The following MACROD2 variants were observed in gnomAD, a reference collection of about 807,000 sequenced individuals.
MACROD2 encodes ADP-ribose glycohydrolase MACROD2.
MACROD2 carries 36 observed loss-of-function variants against 70.4 expected under a neutral mutation model. That is an observed-to-expected ratio of 0.51 (90% CI 0.39 to 0.68). The LOEUF is 0.68. MACROD2 is among the 30% of genes least tolerant of loss of function. The probability of loss-of-function intolerance (pLI) is 0.00; values close to 1 mark genes in which losing one functional copy is unlikely to be tolerated. For missense variants in MACROD2, 496 were observed against 538.4 expected (o/e 0.92, Z 0.78); for synonymous variants, 172 against 178.8 (o/e 0.96, Z 0.30).
intron 8 of MACROD2, among the ~76,000 whole-genome samples, chr20:15,754,916 T>C (rs529363199): frequency 1.3e-5 from 2 of 151,422 alleles, no homozygotes; most frequent in Non-Finnish European, 2.9e-5. Context: ...TGGAGTCCAG[T>C]GGTGTAATCT....
chr20:15,421,203 C>A (rs765712673), intron 6 of MACROD2, among the ~76,000 whole-genome samples: 46 of 152,048 alleles, frequency 3.0e-4, no homozygotes, highest in Non-Finnish European at 3.8e-4. Flanking sequence ...CATAGTGAGA[C>A]CTTGTTTCTA....
chr20:15,334,534 C>T (rs1312168396), intron 6 of MACROD2, among the ~76,000 whole-genome samples: 1 of 150,702 alleles, frequency 6.6e-6, no homozygotes, highest in African/African-American at 2.5e-5. Context: ...TCAACTAGGA[C>T]AATAGAACCT....
chr20:15,311,441 C>A (rs1220351655), intron 6 of MACROD2, among the ~76,000 whole-genome samples: 1 of 152,132 alleles, frequency 6.6e-6, no homozygotes, highest in Non-Finnish European at 1.5e-5. Flanking sequence ...GGATATATAT[C>A]CGAAAGAAAA....
At chr20:14,041,726 G>A (rs897269919) in intron 2 of MACROD2, among the ~76,000 whole-genome samples, 3 of 152,202 alleles carry the variant, frequency 2.0e-5, no homozygotes, top group Non-Finnish European at 2.9e-5. Flanking sequence ...CTAGCTTAGA[G>A]ATGTCAGGGC....
intron 5 of MACROD2, among the ~76,000 whole-genome samples, chr20:14,746,725 A>G (rs2071804509): frequency 6.6e-6 from 1 of 152,182 alleles, no homozygotes. Flanking sequence ...TTAACGCATT[A>G]ATGTGCTGCT....
At chr20:14,523,122 A>T (rs1317271848) in intron 4 of MACROD2, among the ~76,000 whole-genome samples, 1 of 152,142 alleles carries the variant, frequency 6.6e-6, no homozygotes, top group Non-Finnish European at 1.5e-5. Flanking sequence ...ATCTTCCATT[A>T]AAAAAAGACG....
At chr20:14,975,993 G>T (rs1279563533) in intron 5 of MACROD2, among the ~76,000 whole-genome samples, 1 of 152,146 alleles carries the variant, frequency 6.6e-6, no homozygotes, top group East Asian at 1.9e-4. Flanking sequence ...AACACCCTCT[G>T]CAGAAGTAGT....
At chr20:15,967,415 C>A in intron 12 of MACROD2, 138 bp from the exon 13 acceptor site, 2 of 630,176 alleles carry the variant, frequency 3.2e-6, no homozygotes, top group Non-Finnish European at 5.1e-6. Context: ...TATTGGCAAA[C>A]ATATGTATTT....
At chr20:15,372,909 A>G (rs952771790) in intron 6 of MACROD2, among the ~76,000 whole-genome samples, 2 of 152,056 alleles carry the variant, frequency 1.3e-5, no homozygotes, top group African/African-American at 4.8e-5. Context: ...AAAATTAGCC[A>G]TATGTGGTGA....
intron 5 of MACROD2, among the ~76,000 whole-genome samples, chr20:14,963,006 A>G (rs924777221): frequency 1.3e-5 from 2 of 152,086 alleles, no homozygotes; most frequent in African/African-American, 4.8e-5. Context: ...GTCTTTTCCT[A>G]CTTAAATTTT....
intron 2 of MACROD2, among the ~76,000 whole-genome samples, chr20:14,067,587 A>G (rs1193024543): frequency 1.3e-5 from 2 of 152,250 alleles, no homozygotes; most frequent in African/African-American, 2.4e-5. Context: ...GCATTATTAT[A>G]TAAGCTTTAG....
chr20:15,596,656 T>C (rs1260163761), intron 8 of MACROD2, among the ~76,000 whole-genome samples: 1 of 152,228 alleles, frequency 6.6e-6, no homozygotes, highest in East Asian at 1.9e-4. Context: ...TGATTGGCAG[T>C]GTACTTCCAA....
chr20:15,397,298 A>AT lies in MACROD2; in HGVS notation c.541-34098dup, dbSNP rs948879465. 7.9e-5 allele frequency among the ~76,000 whole-genome samples: 12 copies of AT among 151,086 alleles called. No homozygotes were observed. The South Asian group carries it at 8.4e-4, about 11-fold the overall frequency. On this transcript the variant is annotated intron_variant, in intron 6 of 17. Transcript: ENST00000684519. ...TTTTTCTTTTTCTTTTTTCTTTTTAATTTTTTTTTATTTTGAGATAAGAGT... is the reference window on the plus strand; with the variant it reads ...TTTTTCTTTTTCTTTTTTCTTTTTAATTTTTTTTTTATTTTGAGATAAGAGT...
intron 3 of MACROD2, among the ~76,000 whole-genome samples, chr20:14,333,748 G>A (rs966053760): frequency 2.6e-5 from 4 of 152,066 alleles, no homozygotes; most frequent in Non-Finnish European, 5.9e-5. Context: ...TATACTGGTC[G>A]GTGAGACCAC....
intron 3 of MACROD2, among the ~76,000 whole-genome samples, chr20:14,163,092 T>G (rs1343047429): frequency 6.6e-6 from 1 of 152,174 alleles, no homozygotes; most frequent in Non-Finnish European, 1.5e-5. Context: ...ATTCTTTTGC[T>G]TCTAGATGTA....
At chr20:14,038,993 C>T (rs2053353685) in intron 2 of MACROD2, among the ~76,000 whole-genome samples, 1 of 152,122 alleles carries the variant, frequency 6.6e-6, no homozygotes, top group African/African-American at 2.4e-5. Context: ...CAAATTTTAT[C>T]AGCATGCTCT....
At chr20:14,577,516 C>T (rs147408707) in intron 4 of MACROD2, among the ~76,000 whole-genome samples, 7 of 152,210 alleles carry the variant, frequency 4.6e-5, no homozygotes, top group African/African-American at 1.2e-4. Context: ...TGGTGGCTCA[C>T]GCCTGTGATC....
chr20:14,450,825 C>T (rs1346022260), intron 3 of MACROD2, among the ~76,000 whole-genome samples: 6 of 152,000 alleles, frequency 3.9e-5, no homozygotes, highest in South Asian at 2.1e-4. Flanking sequence ...GGACGAATTC[C>T]GAATGAAATA....
intron 5 of MACROD2, among the ~76,000 whole-genome samples, chr20:15,002,108 C>A (rs545477276): frequency 1.3e-5 from 2 of 152,252 alleles, no homozygotes; most frequent in South Asian, 2.1e-4. Flanking sequence ...ATAATGACTT[C>A]TTGTCCTCTG....
Sources: allele counts gnomAD v4.1 joint callset (sites outside exome capture counted in the v4.1 genomes callset), GRCh38; gene constraint gnomAD v4.1.1; transcripts MANE v1.5; gene names NCBI Gene and HGNC (gene_info 2026-07-23, HGNC 2026-07-21).